The following ZNF469 variants were observed in gnomAD, a reference collection of about 807,000 sequenced individuals.
The protein encoded by ZNF469 is zinc finger protein 469.
In ZNF469, 1 loss-of-function variant was observed where a neutral mutation model predicts 1.0. The observed-to-expected ratio is 1.00, with a 90% confidence interval of 0.35 to 4.73. The LOEUF (loss-of-function observed/expected upper bound fraction) is 4.73, where lower values mean the gene tolerates loss of function less well. Among genes scored for constraint, ZNF469 ranks in the 30% most tolerant of loss-of-function variants. ZNF469 has a pLI of 0.16. For synonymous variants in ZNF469, 2,703 were observed against 2,363.4 expected (o/e 1.14, Z -4.17); for missense variants, 6,100 against 5,356.3 (o/e 1.14, Z -4.33).
intron 2 of ZNF469, among the ~76,000 whole-genome samples, 158 bp downstream of exon 2, chr16:88,425,029 C>T (rs1044112280): frequency 6.6e-5 from 10 of 152,170 alleles, no homozygotes; most frequent in Admixed American, 3.9e-4. Context: ...TCCTGGGGCC[C>T]GCCGGGCAGG....
chr16:88,211,056 T>G, the ZNF469 span, among the ~76,000 whole-genome samples: 2 of 152,288 alleles, frequency 1.3e-5, no homozygotes, highest in Non-Finnish European at 2.9e-5. Flanking sequence ...TTCTCATTTG[T>G]CAGTCTACTT....
chr16:88,120,932 G>A, the ZNF469 span, among the ~76,000 whole-genome samples: 3 of 152,150 alleles, frequency 2.0e-5, no homozygotes, highest in African/African-American at 4.8e-5. Context: ...TCAGCCATGC[G>A]GCGTTTCTTG....
the ZNF469 span, among the ~76,000 whole-genome samples, chr16:88,266,490 TAAAAATGTAGAGGCGAATTTCC>T: frequency 6.6e-6 from 1 of 152,150 alleles, no homozygotes; most frequent in Non-Finnish European, 1.5e-5. Context: ...CAAGTCAAAA[TAAAAATGTAGAGGCGAATTTCC>T]AAGTTTAACG....
At chr16:88,252,506 C>G in the ZNF469 span, among the ~76,000 whole-genome samples, 2 of 151,492 alleles carry the variant, frequency 1.3e-5, no homozygotes, top group Non-Finnish European at 2.9e-5. Context: ...CTCTTGGCTT[C>G]TCATCTCTTT....
chr16:88,149,581 C>T, the ZNF469 span, among the ~76,000 whole-genome samples: 2 of 152,154 alleles, frequency 1.3e-5, no homozygotes. Flanking sequence ...GCGAGTCTTG[C>T]ACTCAGTCCA....
chr16:88,301,155 C>T, the ZNF469 span, among the ~76,000 whole-genome samples: 1 of 113,578 alleles, frequency 8.8e-6, no homozygotes, highest in African/African-American at 2.7e-5. Context: ...ACAGTGGCCA[C>T]ACTTTTCTTT....
In ZNF469 at chr16:88,426,148, G is replaced by A. The variant is rs114478488; in HGVS notation, c.-126-1197G>A. On this transcript the variant is annotated intron_variant, in intron 2 of 2. Coordinates refer to ENST00000565624, the MANE Select transcript of ZNF469 (RefSeq NM_001367624.2). Reference sequence around the variant, plus strand: ...CCTGTGACCTCAGGAGGCAGCCCCCGCCTCCACAGAGGCAGCAGGGTCTCT... The same window carrying A: ...CCTGTGACCTCAGGAGGCAGCCCCCACCTCCACAGAGGCAGCAGGGTCTCT... Among the ~76,000 whole-genome samples the A allele has an allele frequency of 2.9e-3, 442 of 152,338 alleles. 3 individuals are homozygous for A. The highest frequency in any genetic ancestry group is 0.01 in the African/African-American group (424 of 41,588).
chr16:88,224,123 G>A, the ZNF469 span, among the ~76,000 whole-genome samples: 1 of 152,238 alleles, frequency 6.6e-6, no homozygotes, highest in Non-Finnish European at 1.5e-5. Context: ...GGTCTGAAGG[G>A]AGCCGAGCTC....
At chr16:88,347,731 C>T in the ZNF469 span, among the ~76,000 whole-genome samples, 5 of 152,178 alleles carry the variant, frequency 3.3e-5, no homozygotes, top group Non-Finnish European at 4.4e-5. Flanking sequence ...CTGGTCCTCC[C>T]ATCTTCGCCT....
At chr16:88,136,045 C>T in the ZNF469 span, among the ~76,000 whole-genome samples, 1 of 152,134 alleles carries the variant, frequency 6.6e-6, no homozygotes, top group South Asian at 2.1e-4. Context: ...AGGCGTGAGC[C>T]ACCGCGCCCG....
At chr16:88,174,509 T>TCTAA in the ZNF469 span, among the ~76,000 whole-genome samples, 1 of 136,228 alleles carries the variant, frequency 7.3e-6, no homozygotes, top group Non-Finnish European at 1.5e-5. Context: ...TATCTATCTA[T>TCTAA]CTATCATCTA....
the ZNF469 span, among the ~76,000 whole-genome samples, chr16:88,198,669 A>G: frequency 3.6e-4 from 55 of 152,248 alleles, no homozygotes; most frequent in African/African-American, 1.2e-3. Flanking sequence ...GGGTTTCTTG[A>G]TGGATGGGTG....
chr16:88,284,086 G>A, the ZNF469 span, among the ~76,000 whole-genome samples: 455 of 121,314 alleles, frequency 3.8e-3, 1 homozygote, highest in Middle Eastern at 9.2e-3. Context: ...CGAGGTCTGC[G>A]GAGGCTGGTA....
In ZNF469 at chr16:88,427,654, G is replaced by A. The variant is rs1048845848; in HGVS notation, c.184G>A (p.Glu62Lys). 46 of 1,536,856 alleles carry A rather than the reference G, an allele frequency of 3.0e-5. No individual in the cohort carries two copies. Among genetic ancestry groups the A allele is most frequent in the Middle Eastern group, 1.7e-4 (1 of 5,962 alleles). ...CCAGGCCCAGGCCATGGAGCTCCCC[G>A]AGGCCCAGCCAAGGCAGGCCAGGGA... ...GGQAQAMELP[E>K]AQPRQARDGE... is the part of the protein sequence containing the mutation. Residue 62 changes from glutamate (E) to lysine (K), a missense_variant, in exon 3 of 3, where the codon GAG becomes AAG. Glu to Lys is a moderately conservative substitution (Grantham distance 56). Transcript: ENST00000565624.
At chr16:88,355,318 C>A in the ZNF469 span, among the ~76,000 whole-genome samples, 2,352 of 152,314 alleles carry the variant, frequency 0.015, 57 homozygotes, top group African/African-American at 0.053. Context: ...CCTTCTTGGG[C>A]CTCGGTTTCT....
At chr16:88,341,663 G>T in the ZNF469 span, among the ~76,000 whole-genome samples, 1 of 152,224 alleles carries the variant, frequency 6.6e-6, no homozygotes, top group Admixed American at 6.5e-5. Flanking sequence ...GGTGGACTGG[G>T]TATCTCGGTT....
chr16:88,262,510 TG>T, the ZNF469 span, among the ~76,000 whole-genome samples: 1 of 152,162 alleles, frequency 6.6e-6, no homozygotes, highest in African/African-American at 2.4e-5. The surrounding 1 kb of genome is among the most constrained non-coding windows in gnomAD (Gnocchi z 4.3). Context: ...TGGAGGAAGA[TG>T]GGCCCTTCCA....
rs1442883206 is a variant in ZNF469 at position 88,436,587 on chromosome 16, G to C, written c.9117G>C (p.Leu3039=). Residue 3039 remains leucine (L), a synonymous_variant, in exon 3 of 3, where the codon CTG becomes CTC. Coordinates refer to ENST00000565624, the MANE Select transcript of ZNF469 (RefSeq NM_001367624.2). ...DGGLPGNTHL[L]PLRATDFEVL... is the part of the protein sequence containing the mutation. ...GGCTTCCCGGGAACACCCACCTGCT[G>C]CCGCTCCGTGCCACGGACTTTGAGG... 1 of 1,550,082 alleles carries C rather than the reference G, an allele frequency of 6.5e-7. No homozygotes were observed. The highest frequency in any genetic ancestry group is 2.0e-5 in the Admixed American group (1 of 51,018).
the ZNF469 span, among the ~76,000 whole-genome samples, chr16:88,310,576 T>A: frequency 1.0e-4 from 15 of 148,314 alleles, no homozygotes; most frequent in African/African-American, 3.0e-4. Flanking sequence ...TTTTTTTTTT[T>A]ATTAATTTTA....
Sources: gnomAD v4.1 joint callset for allele counts (sites outside exome capture counted in the v4.1 genomes callset) on GRCh38, gnomAD v4.1.1 for gene constraint, Gnocchi (gnomAD v3.1) non-coding constraint, MANE v1.5 for transcripts, NCBI Gene and HGNC (gene_info 2026-07-23, HGNC 2026-07-21) for gene names.